The following TMEM233 variants were observed in gnomAD, a reference collection of about 807,000 sequenced individuals.
TMEM233 encodes the protein transmembrane protein 233, also known as dispanin subfamily B member 2.
TMEM233 carries 6 observed loss-of-function variants against 11.2 expected under a neutral mutation model. The observed-to-expected ratio is 0.54, with a 90% CI of 0.29 to 1.06. The LOEUF (loss-of-function observed/expected upper bound fraction) is 1.06, where lower values mean the gene tolerates loss of function less well. Among genes scored for constraint, TMEM233 ranks in the 50% least tolerant of loss-of-function variants. The pLI is 0.08. For synonymous variants in TMEM233, 59 were observed against 55.8 expected, an observed-to-expected ratio of 1.06 and a Z score of -0.26; for missense variants, 127 against 144.7, an observed-to-expected ratio of 0.88 and a Z score of 0.63.
At chr12:119,648,590 T>C in the TMEM233 span, among the ~76,000 whole-genome samples, 4 of 152,224 alleles carry the variant, frequency 2.6e-5, no homozygotes, top group Admixed American at 2.6e-4. Flanking sequence ...ACAATGGTAG[T>C]TAGATGCAGT....
At chr12:119,626,491 A>AAG (rs1325966785) in intron 1 of TMEM233, among the ~76,000 whole-genome samples, 1,488 of 135,404 alleles carry the variant, frequency 0.011, 184 homozygotes, top group African/African-American at 0.039. Flanking sequence ...AAAAAAGAAG[A>AAG]AAAAGGAGGA....
At chr12:119,614,229 A>C (rs1204674061) in intron 1 of TMEM233, among the ~76,000 whole-genome samples, 1 of 152,116 alleles carries the variant, frequency 6.6e-6, no homozygotes, top group Non-Finnish European at 1.5e-5. Context: ...CCAACATGTG[A>C]AAGCCCATCT....
chr12:119,652,965 A>T, the TMEM233 span, among the ~76,000 whole-genome samples: 1 of 152,232 alleles, frequency 6.6e-6, no homozygotes, highest in African/African-American at 2.4e-5. Context: ...AGAAGTCCCA[A>T]ACCATACCTT....
At chr12:119,647,656 G>A (rs1955171566), downstream of TMEM233, among the ~76,000 whole-genome samples, 1 of 152,068 alleles carries the variant, frequency 6.6e-6, no homozygotes, top group Non-Finnish European at 1.5e-5. Flanking sequence ...TGCAGAACGT[G>A]GAGGTTTGTT....
chr12:119,646,208 C>A (rs1160049747), downstream of TMEM233, among the ~76,000 whole-genome samples: 10 of 152,008 alleles, frequency 6.6e-5, no homozygotes, highest in Admixed American at 6.5e-4. Flanking sequence ...CAGGCTAGCA[C>A]CACCATGCCC....
intron 1 of TMEM233, among the ~76,000 whole-genome samples, chr12:119,597,871 G>C (rs1161965625): frequency 6.6e-6 from 1 of 152,180 alleles, no homozygotes; most frequent in African/African-American, 2.4e-5. Context: ...TTTCCCCCTA[G>C]ACTGGGTTCC....
chr12:119,640,607 T>G, intron 2 of TMEM233, 92 bp from the exon 3 acceptor site: 1 of 1,394,032 alleles, frequency 7.2e-7, no homozygotes, highest in South Asian at 1.2e-5. Flanking sequence ...AGAGTCATCA[T>G]CATCAAATAA....
chr12:119,619,196 T>A (rs189933206), intron 1 of TMEM233, among the ~76,000 whole-genome samples: 1 of 152,316 alleles, frequency 6.6e-6, no homozygotes, highest in East Asian at 1.9e-4. Context: ...ACCACAATTG[T>A]AAGTTTCCTG....
At chr12:119,625,367 C>CTTTT (rs538407821) in intron 1 of TMEM233, among the ~76,000 whole-genome samples, 1 of 145,592 alleles carries the variant, frequency 6.9e-6, no homozygotes, top group Non-Finnish European at 1.5e-5. Flanking sequence ...ATAACTTCTT[C>CTTTT]TTTTTTTTTT....
chr12:119,629,703 T>G, intron 1 of TMEM233, 33 bp from the exon 2 acceptor site: 1 of 1,534,234 alleles, frequency 6.5e-7, no homozygotes, highest in Non-Finnish European at 8.8e-7. Context: ...GTGGGTTATC[T>G]GTCATCACCA....
chr12:119,613,917 G>A (rs1954464625), intron 1 of TMEM233, among the ~76,000 whole-genome samples: 1 of 152,002 alleles, frequency 6.6e-6, no homozygotes, highest in South Asian at 2.1e-4. Flanking sequence ...AAAGAGAAGA[G>A]GGCCACAAGT....
intron 1 of TMEM233, among the ~76,000 whole-genome samples, chr12:119,600,493 A>C (rs1244005780): frequency 6.6e-6 from 1 of 152,206 alleles, no homozygotes; most frequent in Non-Finnish European, 1.5e-5. Flanking sequence ...GAGGCTGAAG[A>C]AGTAATGTAA....
chr12:119,605,412 T>C (rs1196555531), intron 1 of TMEM233, among the ~76,000 whole-genome samples: 1 of 2,924 alleles, frequency 3.4e-4, no homozygotes, highest in African/African-American at 1.6e-3. Flanking sequence ...GCCTTTCCTT[T>C]TTTTTTTTTT....
downstream of TMEM233, among the ~76,000 whole-genome samples, chr12:119,644,439 T>C (rs536503696): frequency 4.6e-5 from 7 of 151,686 alleles, no homozygotes; most frequent in Admixed American, 4.6e-4. Flanking sequence ...ACCTTCCATA[T>C]GCAGGGCAAA....
intron 1 of TMEM233, among the ~76,000 whole-genome samples, chr12:119,627,933 C>T (rs1024741363): frequency 7.9e-5 from 12 of 152,262 alleles, no homozygotes; most frequent in East Asian, 1.9e-4. Flanking sequence ...TTCAGGGCCA[C>T]GACCCAGAAG....
intron 1 of TMEM233, among the ~76,000 whole-genome samples, chr12:119,600,551 G>C (rs1246755501): frequency 2.0e-5 from 3 of 152,154 alleles, no homozygotes; most frequent in Non-Finnish European, 4.4e-5. Flanking sequence ...GTCCATCGAT[G>C]GATGAATAGG....
intron 1 of TMEM233, among the ~76,000 whole-genome samples, chr12:119,612,154 C>T (rs1011829410): frequency 3.9e-5 from 6 of 152,034 alleles, no homozygotes; most frequent in South Asian, 2.1e-4. Flanking sequence ...GCACCATGCC[C>T]GGCTAATTTT....
rs1955082394 is a variant in TMEM233, at chr12:119,641,472, T to C, written c.*767T>C. 1.4e-5 allele frequency: 2 copies of C among 143,214 alleles called. No homozygotes were observed. The highest frequency in any genetic ancestry group is 4.7e-4 in the South Asian group (2 of 4,280). The allele number at this position is 143,214 out of a possible 1,614,324, so 8.9% of individuals were successfully genotyped here. On this transcript the variant is annotated 3_prime_UTR_variant, in exon 3 of 3. Coordinates refer to ENST00000426426, the MANE Select transcript of TMEM233 (RefSeq NM_001136534.3). ...CTGTATCCCAGTTTTGGGAATAAAC[T>C]GGCTGTATTTATAGAATGTGCTTTT...
At position 119,642,447 on chromosome 12, in the gene TMEM233, CA is replaced by C. The variant is rs1430309091; in HGVS notation, c.*1752del. The C allele has an allele frequency of 7.9e-5, 10 of 126,488 alleles. No individual in the cohort carries two copies. The highest frequency in any genetic ancestry group is 1.5e-4 in the African/African-American group (5 of 33,988). The allele number at this position is 126,488 out of a possible 1,614,324, so 7.8% of individuals were successfully genotyped here. On this transcript the variant is annotated 3_prime_UTR_variant, in exon 3 of 3. Transcript: ENST00000426426. ...GGGGTGACAGAGCAAGACTCCATCT[CA>C]AAAAAAAAAGAAAAGAAAACGAAAG...
Sources: gnomAD v4.1 joint callset for allele counts (sites outside exome capture counted in the v4.1 genomes callset) on GRCh38, gnomAD v4.1.1 for gene constraint, MANE v1.5 for transcripts, NCBI Gene and HGNC (gene_info 2026-07-23, HGNC 2026-07-21) for gene names.